PFAS: variants seen among roughly 807,000 people sequenced by gnomAD.
PFAS encodes phosphoribosylformylglycinamidine synthase.
A neutral mutation model predicts 140.6 loss-of-function variants in PFAS; 97 were observed. The observed-to-expected ratio is 0.69, with a 90% CI of 0.59 to 0.82. The LOEUF (loss-of-function observed/expected upper bound fraction) is 0.82. PFAS is among the 40% of genes least tolerant of loss of function. The probability of loss-of-function intolerance (pLI) is 0.00; values close to 1 mark genes in which losing one functional copy is unlikely to be tolerated. For synonymous variants in PFAS, 679 were observed against 718.8 expected, an observed-to-expected ratio of 0.94 and a Z score of 0.88; for missense variants, 1,656 against 1,780.2, an observed-to-expected ratio of 0.93 and a Z score of 1.26.
At position 8,253,910 on chromosome 17, in the gene PFAS, C is replaced by G; in HGVS notation, c.-28C>G. 1 of 1,596,120 alleles carries G rather than the reference C, an allele frequency of 6.3e-7. No homozygotes were observed. The highest frequency in any genetic ancestry group is 8.6e-7 in the Non-Finnish European group (1 of 1,168,966). On this transcript the variant is annotated 5_prime_UTR_variant, in exon 2 of 28. Coordinates refer to ENST00000314666, the MANE Select transcript of PFAS (RefSeq NM_012393.3). ...GACACATCTCTCCAGCAAAGGACACCTCTCTCCAGCAAAGGACACCTGCAG... is the reference window on the plus strand; with the variant it reads ...GACACATCTCTCCAGCAAAGGACACGTCTCTCCAGCAAAGGACACCTGCAG...
chr17:8,265,247 A>G (rs1989764075), intron 18 of PFAS, 41 bp from the exon 19 acceptor site: 1 of 1,597,302 alleles, frequency 6.3e-7, no homozygotes, highest in Non-Finnish European at 8.6e-7. Flanking sequence ...GCCTCTCCAC[A>G]TTTCTCTTCC....
intron 1 of PFAS, among the ~76,000 whole-genome samples, chr17:8,252,899 T>G: frequency 6.6e-6 from 1 of 152,196 alleles, no homozygotes; most frequent in African/African-American, 2.4e-5. Context: ...TTACAGGTGT[T>G]AGCCACTATG....
intron 17 of PFAS, 103 bp downstream of exon 17, chr17:8,264,704 G>C: frequency 7.8e-7 from 1 of 1,273,976 alleles, no homozygotes; most frequent in Non-Finnish European, 1.1e-6. Flanking sequence ...GCCTGGCCCT[G>C]CAGGAAGCAG....
rs770909375 is a variant in PFAS, at chr17:8,269,124, G to C, written c.3877G>C (p.Ala1293Pro). ...CTGCTCCTGTGATGGCCGCCACCTG[G>C]CTGTCATGCCTCACCCTGAGCGGGC... The part of the protein sequence containing the change: ...GICSCDGRHL[A>P]VMPHPERAVR... The change falls in exon 28 of 28, where the codon GCT (alanine) becomes CCT (proline). Residue 1293 changes from alanine (A) to proline (P), a missense_variant. By Grantham distance (27) the Ala-to-Pro change is conservative (BLOSUM62 -1). This residue lies in a region of PFAS where 883 missense variants were observed against 1,023.0 expected (regional missense o/e 0.86). Coordinates refer to ENST00000314666, the MANE Select transcript of PFAS (RefSeq NM_012393.3). 6.2e-7 allele frequency: 1 copy of C among 1,613,918 alleles called. No individual in the cohort carries two copies. The highest frequency in any genetic ancestry group is 8.5e-7 in the Non-Finnish European group (1 of 1,180,036).
chr17:8,259,276 T>C (rs898886205), intron 11 of PFAS, among the ~76,000 whole-genome samples: 1 of 152,080 alleles, frequency 6.6e-6, no homozygotes. Flanking sequence ...GTCAGATTTT[T>C]TTTCTCTTTT....
At chr17:8,261,557 T>G (rs560922799) in intron 11 of PFAS, among the ~76,000 whole-genome samples, 10 of 152,180 alleles carry the variant, frequency 6.6e-5, no homozygotes, top group African/African-American at 2.4e-4. Flanking sequence ...TTTCGTATGC[T>G]AGTTAGCTAT....
In PFAS at chr17:8,256,552, C is replaced by G. The variant is rs368587352; in HGVS notation, c.850C>G (p.Leu284Val). ...AATCCAGGGAAAGGAAGTCCGATTC[C>G]TACGGCCTGAGGACCCCACACGGCC... ...SAIQGKEVRF[L>V]RPEDPTRPSR... Residue 284 changes from leucine (L) to valine (V), a missense_variant, in exon 8 of 28, where the codon CTA becomes GTA. By Grantham distance (32) the Leu-to-Val change is conservative (BLOSUM62 1). Transcript: ENST00000314666. 13 of 1,614,008 alleles carry G rather than the reference C, an allele frequency of 8.1e-6. No homozygotes were observed. The highest frequency in any genetic ancestry group is 1.1e-5 in the Non-Finnish European group (13 of 1,180,038).
intron 4 of PFAS, 33 bp from the exon 5 acceptor site, chr17:8,255,469 C>T (rs752214670): frequency 6.8e-7 from 1 of 1,466,878 alleles, no homozygotes; most frequent in Non-Finnish European, 9.2e-7. Flanking sequence ...TTAAACTCTT[C>T]ACCCCTTGCC....
At position 8,269,191 on chromosome 17, in the gene PFAS, A is replaced by C. The variant is rs1293862806; in HGVS notation, c.3944A>C (p.Asp1315Ala). 6.2e-7 allele frequency: 1 copy of C among 1,613,604 alleles called. No homozygotes were observed. Among genetic ancestry groups the C allele is most frequent in the Non-Finnish European group, 8.5e-7 (1 of 1,179,966 alleles). The change falls in exon 28 of 28, where the codon GAT becomes GCT. Residue 1315 changes from aspartate to alanine, a missense_variant. By Grantham distance (126) the Asp-to-Ala change is moderately radical. Coordinates refer to ENST00000314666, the MANE Select transcript of PFAS (RefSeq NM_012393.3). ...TGGGCATGGCGACCCCCTCCATTTG[A>C]TACTCTGACCACCTCCCCCTGGCTC... ...WQWAWRPPPF[D>A]TLTTSPWLQL...
At chr17:8,249,468 A>G (rs1989047159) in intron 1 of PFAS, 129 bp downstream of exon 1, 1 of 152,162 alleles carries the variant, frequency 6.6e-6, no homozygotes, top group East Asian at 1.9e-4. Flanking sequence ...GTGCCCGCGT[A>G]TTTGCTTTAG....
At chr17:8,265,189 G>A in intron 18 of PFAS, 64 bp downstream of exon 18, 1 of 1,564,804 alleles carries the variant, frequency 6.4e-7, no homozygotes. Flanking sequence ...ACATCCATCT[G>A]TAGCCCTTCA....
intron 14 of PFAS, 54 bp downstream of exon 14, chr17:8,263,690 C>T (rs1597425990): frequency 2.1e-5 from 34 of 1,603,582 alleles, no homozygotes; most frequent in South Asian, 5.5e-5. Context: ...AGCCCCAGCC[C>T]GCTTCCACCC....
In PFAS at chr17:8,266,474, A is replaced by G. The variant is rs754948237; in HGVS notation, c.2821+121A>G. The G allele has an allele frequency of 6.6e-7, 1 of 1,513,900 alleles. No individual in the cohort carries two copies. The highest frequency in any genetic ancestry group is 1.3e-5 in the South Asian group (1 of 75,708). 93.8% of individuals were successfully genotyped at this position (1,513,900 alleles called of 1,614,324 possible). A position where few individuals can be genotyped will look rare whatever the true frequency, so the allele number is the denominator to read the frequency against. ...CCCTTTCCCTGAGTCTTCCCTGACT[A>G]GCTTTTCTGTGCTGTCTCTCTGACA... On this transcript the variant is annotated intron_variant, in intron 22 of 27. Transcript: ENST00000314666. The surrounding 1 kb of genome is among the most constrained non-coding windows in gnomAD (Gnocchi z 5.0).
chr17:8,249,429 T>TC (rs1989042474), intron 1 of PFAS, 90 bp downstream of exon 1: 2 of 152,208 alleles, frequency 1.3e-5, no homozygotes, highest in South Asian at 2.1e-4. Context: ...GGCTTCAGTA[T>TC]CCCCACCGGG....
At chr17:8,265,165 T>C in intron 18 of PFAS, 40 bp downstream of exon 18, 1 of 1,578,462 alleles carries the variant, frequency 6.3e-7, no homozygotes, top group South Asian at 1.1e-5. Context: ...GCCCCCGGGC[T>C]TCAGGACCCT....
rs1433740767 is a variant in PFAS at position 8,268,974 on chromosome 17, C to T, written c.3727C>T (p.Pro1243Ser). 6.2e-7 allele frequency: 1 copy of T among 1,614,074 alleles called. No homozygotes were observed. The highest frequency in any genetic ancestry group is 8.5e-7 in the Non-Finnish European group (1 of 1,180,026). Residue 1243 changes from proline (P) to serine (S), a missense_variant, in exon 28 of 28, where the codon CCG becomes TCG. Coordinates refer to ENST00000314666, the MANE Select transcript of PFAS (RefSeq NM_012393.3). Reference sequence around the variant, plus strand: ...CCCAGGTTACGTAGCATTTTCTTCTCCGGAACTCCAAGCTCAGATTGAGGC... The same window carrying T: ...CCCAGGTTACGTAGCATTTTCTTCTTCGGAACTCCAAGCTCAGATTGAGGC... Reference protein sequence around the residue: ...HGEGYVAFSSPELQAQIEARG... With the variant: ...HGEGYVAFSSSELQAQIEARG...
intron 13 of PFAS, 80 bp from the exon 14 acceptor site, chr17:8,263,495 G>A: frequency 8.0e-7 from 1 of 1,245,790 alleles, no homozygotes; most frequent in South Asian, 1.2e-5. Context: ...CAAATTACAG[G>A]CCCCTTTGGA....
In PFAS at chr17:8,265,403, T is replaced by C; in HGVS notation, c.2396T>C (p.Val799Ala). The C allele has an allele frequency of 6.2e-7, 1 of 1,614,076 alleles. No homozygotes were observed. The highest frequency in any genetic ancestry group is 8.5e-7 in the Non-Finnish European group (1 of 1,179,990). The stretch of plus-strand genomic sequence containing the variant: ...GTGATGGCAGCCCTGGGTGTGGCAG[T>C]GGATGGTGGCAAGGACTCCCTCAGC... ...VAVMAALGVA[V>A]DGGKDSLSMA... The change falls in exon 19 of 28, where the codon GTG (valine) becomes GCG (alanine). Residue 799 changes from valine (V) to alanine (A), a missense_variant. Physicochemically the swap from Val to Ala is moderately conservative, Grantham distance 64. This residue lies in a region of PFAS where 883 missense variants were observed against 1,023.0 expected (regional missense o/e 0.86). Coordinates refer to ENST00000314666, the MANE Select transcript of PFAS (RefSeq NM_012393.3).
chr17:8,256,484 C>A (rs1989370774), intron 7 of PFAS, 40 bp from the exon 8 acceptor site: 1 of 1,613,770 alleles, frequency 6.2e-7, no homozygotes, highest in Non-Finnish European at 8.5e-7. Context: ...TAGTGTAGGT[C>A]CCAGAAAGGA....
Sources: gnomAD v4.1 joint callset for allele counts (sites outside exome capture counted in the v4.1 genomes callset) on GRCh38, gnomAD v4.1.1 for gene constraint, gnomAD v4.1.1 regional missense constraint, Gnocchi (gnomAD v3.1) non-coding constraint, MANE v1.5 for transcripts, NCBI Gene and HGNC (gene_info 2026-07-23, HGNC 2026-07-21) for gene names.